FMN1: variants seen among roughly 807,000 people sequenced by gnomAD.
The protein encoded by FMN1 is formin 1.
Under a neutral mutation model 132.4 loss-of-function variants are expected in FMN1, and 110 were observed. The observed-to-expected ratio is 0.83, with a 90% CI of 0.71 to 0.97. The LOEUF (loss-of-function observed/expected upper bound fraction) is 0.97, where lower values mean the gene tolerates loss of function less well. Among genes scored for constraint, FMN1 ranks in the 50% least tolerant of loss-of-function variants. The pLI is 0.00. For missense variants in FMN1, 1,792 were observed against 1,705.3 expected, an observed-to-expected ratio of 1.05 and a Z score of -0.90; for synonymous variants, 722 against 651.7, an observed-to-expected ratio of 1.11 and a Z score of -1.64.
chr15:33,032,900 T>C (rs1373312508), intron 6 of FMN1, among the ~76,000 whole-genome samples: 5 of 152,220 alleles, frequency 3.3e-5, no homozygotes, highest in African/African-American at 1.2e-4. Flanking sequence ...ATAATGGTGA[T>C]TCCTACTTCG....
intron 16 of FMN1, among the ~76,000 whole-genome samples, chr15:32,881,512 G>A (rs1228059866): frequency 3.3e-5 from 5 of 152,280 alleles, no homozygotes; most frequent in Non-Finnish European, 5.9e-5. Flanking sequence ...TCCTTGATGA[G>A]TGTTCAATCA....
At chr15:32,856,543 T>C (rs2059135279) in intron 17 of FMN1, among the ~76,000 whole-genome samples, 1 of 152,204 alleles carries the variant, frequency 6.6e-6, no homozygotes, top group Admixed American at 6.5e-5. Flanking sequence ...TGACATTCAC[T>C]TGGCCCTAAT....
At chr15:33,040,156 C>A (rs961510169) in intron 6 of FMN1, among the ~76,000 whole-genome samples, 2 of 152,210 alleles carry the variant, frequency 1.3e-5, no homozygotes, top group Non-Finnish European at 2.9e-5. Flanking sequence ...ACAAGTGCTA[C>A]TCTGTCTTTG....
chr15:32,895,331 T>TG (rs2141552587), intron 15 of FMN1, among the ~76,000 whole-genome samples: 1 of 144,364 alleles, frequency 6.9e-6, no homozygotes, highest in East Asian at 2.0e-4. Flanking sequence ...TGAAAAAATG[T>TG]GGGAAAAAAG....
intron 4 of FMN1, among the ~76,000 whole-genome samples, chr15:33,144,493 C>G (rs1476394766): frequency 6.6e-6 from 1 of 151,782 alleles, no homozygotes; most frequent in South Asian, 2.1e-4. Flanking sequence ...AAAAATTAGC[C>G]GGGCGTGGTG....
At position 32,964,134 on chromosome 15, in the gene FMN1, A is replaced by G. The variant is rs201266062; in HGVS notation, c.3111T>C (p.Thr1037=). 1 of 1,612,120 alleles carries G rather than the reference A, an allele frequency of 6.2e-7. No homozygotes were observed. Among genetic ancestry groups the G allele is most frequent in the Admixed American group, 1.7e-5 (1 of 59,644 alleles). The change falls in exon 9 of 21, where the codon ACT becomes ACC. Residue 1037 remains threonine, a synonymous_variant. Coordinates refer to ENST00000616417, the MANE Select transcript of FMN1 (RefSeq NM_001277313.2). ...TQQKKKPLSE[T]YEKKNKVKKI... Reference sequence around the variant, plus strand: ...TTTTGACCTTGTTTTTCTTCTCATAAGTCTCTGACAGAGGTTTTTTCTTCT... The same window carrying G: ...TTTTGACCTTGTTTTTCTTCTCATAGGTCTCTGACAGAGGTTTTTTCTTCT...
chr15:33,014,264 A>G (rs1040518197), intron 6 of FMN1, among the ~76,000 whole-genome samples: 2 of 152,364 alleles, frequency 1.3e-5, no homozygotes, highest in Middle Eastern at 3.4e-3. Flanking sequence ...GTGTCTTGTT[A>G]GTGGCAGCCC....
intron 4 of FMN1, among the ~76,000 whole-genome samples, chr15:33,128,901 G>T (rs1007594824): frequency 2.2e-4 from 33 of 152,198 alleles, no homozygotes; most frequent in African/African-American, 7.7e-4. Context: ...CCCTTATTTG[G>T]CCCCACCCAT....
At chr15:32,980,366 A>G (rs1282772957) in intron 7 of FMN1, among the ~76,000 whole-genome samples, 1 of 151,936 alleles carries the variant, frequency 6.6e-6, no homozygotes, top group Non-Finnish European at 1.5e-5. Context: ...AGCTCTGCAT[A>G]AGGCTGCTAT....
At chr15:33,053,487 C>A (rs1168464784) in intron 6 of FMN1, among the ~76,000 whole-genome samples, 2 of 152,192 alleles carry the variant, frequency 1.3e-5, no homozygotes, top group African/African-American at 4.8e-5. Context: ...GGTGCCCCTG[C>A]TGCAAGTTCG....
intron 7 of FMN1, among the ~76,000 whole-genome samples, chr15:32,976,401 G>A (rs1369201368): frequency 6.6e-6 from 1 of 152,170 alleles, no homozygotes; most frequent in East Asian, 1.9e-4. Flanking sequence ...CTTTGGACAT[G>A]CATACGAGTT....
chr15:32,785,196 G>A (rs866210040), intron 19 of FMN1, among the ~76,000 whole-genome samples: 7,054 of 24,530 alleles, frequency 0.29, 872 homozygotes, highest in Middle Eastern at 0.38. Context: ...GTGTGTGTGT[G>A]TGTGTATATA....
intron 3 of FMN1, among the ~76,000 whole-genome samples, chr15:33,165,750 T>C (rs1336529401): frequency 4.6e-5 from 7 of 152,020 alleles, no homozygotes; most frequent in Non-Finnish European, 7.4e-5. Context: ...TTATAGAGGA[T>C]TGAGGATGCA....
intron 12 of FMN1, among the ~76,000 whole-genome samples, chr15:32,904,347 A>C (rs1170896645): frequency 6.6e-6 from 1 of 152,278 alleles, no homozygotes; most frequent in East Asian, 1.9e-4. Flanking sequence ...CAGATGCTAA[A>C]ATTGTGTTCT....
chr15:33,058,117 G>C (rs1238397453), intron 6 of FMN1, among the ~76,000 whole-genome samples: 1 of 152,056 alleles, frequency 6.6e-6, no homozygotes, highest in African/African-American at 2.4e-5. Flanking sequence ...CGGCGGGGCT[G>C]CTGGTGGAGG....
intron 19 of FMN1, among the ~76,000 whole-genome samples, chr15:32,783,784 A>ATG: frequency 9.4e-6 from 1 of 105,868 alleles, no homozygotes; most frequent in African/African-American, 3.4e-5. Context: ...AAAAAAAAAA[A>ATG]TAGTTGAAGT....
At chr15:33,112,680 T>A (rs1357735444) in intron 4 of FMN1, among the ~76,000 whole-genome samples, 1 of 152,168 alleles carries the variant, frequency 6.6e-6, no homozygotes, top group Non-Finnish European at 1.5e-5. Context: ...TGGTGTATTT[T>A]TTCACCACTA....
At chr15:33,009,536 G>T (rs1381297046) in intron 6 of FMN1, among the ~76,000 whole-genome samples, 1 of 152,106 alleles carries the variant, frequency 6.6e-6, no homozygotes, top group South Asian at 2.1e-4. Context: ...CCTTGAACTT[G>T]TCAAATTATT....
intron 3 of FMN1, among the ~76,000 whole-genome samples, chr15:33,173,650 C>T (rs868184757): frequency 4.6e-5 from 7 of 152,282 alleles, no homozygotes; most frequent in South Asian, 2.1e-4. Context: ...GGAAATAGGC[C>T]GGGCACGGTG....
Sources: gnomAD v4.1 joint callset for allele counts (sites outside exome capture counted in the v4.1 genomes callset) on GRCh38, gnomAD v4.1.1 for gene constraint, MANE v1.5 for transcripts, NCBI Gene and HGNC (gene_info 2026-07-23, HGNC 2026-07-21) for gene names.